MICAL2: variants seen among roughly 807,000 people sequenced by gnomAD.
MICAL2 encodes the protein microtubule associated monooxygenase, calponin and LIM domain containing 2.
In MICAL2, 77 loss-of-function variants were observed where a neutral mutation model predicts 127.3. That is an observed-to-expected ratio of 0.60 (90% CI 0.50 to 0.73). The LOEUF (loss-of-function observed/expected upper bound fraction) is 0.73. Among genes scored for constraint, MICAL2 ranks in the 30% least tolerant of loss-of-function variants. The probability of loss-of-function intolerance (pLI) is 0.00; values close to 1 mark genes in which losing one functional copy is unlikely to be tolerated. For synonymous variants in MICAL2, 570 were observed against 551.1 expected (o/e 1.03, Z -0.48); for missense variants, 1,351 against 1,434.4 (o/e 0.94, Z 0.94).
chr11:12,358,215 A>C (rs1939157675), intron 34 of MICAL2: 2 of 1,383,810 alleles, frequency 1.4e-6, no homozygotes, highest in South Asian at 2.6e-5. Flanking sequence ...CAAGTCCATA[A>C]CAATCGAGAA....
chr11:12,326,023 T>G (rs140411803), intron 31 of MICAL2, among the ~76,000 whole-genome samples: 1 of 152,320 alleles, frequency 6.6e-6, no homozygotes, highest in East Asian at 1.9e-4. Context: ...AGATTTTATG[T>G]TGGGACTTAA....
chr11:12,331,096 C>T (rs1170273602), intron 32 of MICAL2, among the ~76,000 whole-genome samples: 2 of 152,094 alleles, frequency 1.3e-5, no homozygotes, highest in African/African-American at 4.8e-5. Context: ...GCCACTTAGA[C>T]TCTTATTGGT....
chr11:12,262,099 C>T (rs934778003), intron 26 of MICAL2: 20 of 1,112,688 alleles, frequency 1.8e-5, no homozygotes, highest in East Asian at 6.8e-5. Flanking sequence ...GATGTTTGTA[C>T]GCTCTGAGAT....
At chr11:12,286,641 G>A (rs1863830249) in intron 2 of MICAL2, among the ~76,000 whole-genome samples, 1 of 152,140 alleles carries the variant, frequency 6.6e-6, no homozygotes, top group South Asian at 2.1e-4. Context: ...GGCCGAGGTG[G>A]GAGGATCACT....
chr11:12,257,754 A>G (rs536475281), intron 24 of MICAL2, among the ~76,000 whole-genome samples: 1 of 152,330 alleles, frequency 6.6e-6, no homozygotes, highest in Non-Finnish European at 1.5e-5. Flanking sequence ...TGCCTGGCAT[A>G]CAGTCATTCC....
At chr11:12,221,338 T>C (rs1856793400) in intron 9 of MICAL2, among the ~76,000 whole-genome samples, 1 of 152,250 alleles carries the variant, frequency 6.6e-6, no homozygotes, top group Non-Finnish European at 1.5e-5. Context: ...ATCAGCTTAA[T>C]GCAACTCTTA....
chr11:12,152,754 A>T (rs1373174450), intron 2 of MICAL2, among the ~76,000 whole-genome samples: 1 of 150,506 alleles, frequency 6.6e-6, no homozygotes, highest in Non-Finnish European at 1.5e-5. Flanking sequence ...TTTTAAAAAG[A>T]GGTAAAAAAT....
chr11:12,132,508 G>A (rs1313904256), intron 1 of MICAL2, among the ~76,000 whole-genome samples: 1 of 152,216 alleles, frequency 6.6e-6, no homozygotes, highest in African/African-American at 2.4e-5. Context: ...AGAAAAGTAA[G>A]GGAAATACCT....
intron 3 of MICAL2, among the ~76,000 whole-genome samples, chr11:12,180,926 T>C (rs1196729507): frequency 4.0e-5 from 1 of 25,272 alleles, no homozygotes; most frequent in Non-Finnish European, 8.7e-5. Context: ...TCCTTCTTTT[T>C]TTTTTTTTTT....
At chr11:12,148,095 G>A (rs2220246) in intron 2 of MICAL2, among the ~76,000 whole-genome samples, 69,563 of 151,936 alleles carry the variant, frequency 0.46, 16,919 homozygotes, top group South Asian at 0.68. Flanking sequence ...CTCAGGTGCT[G>A]AGTCACTCCA....
At chr11:12,222,766 G>C (rs781333964) in intron 11 of MICAL2, 23 bp downstream of exon 11, 1 of 1,613,866 alleles carries the variant, frequency 6.2e-7, no homozygotes, top group South Asian at 1.1e-5. Context: ...CTGGGGCTCT[G>C]TCTGAATCAC....
intron 3 of MICAL2, among the ~76,000 whole-genome samples, chr11:12,185,974 C>T (rs1297460145): frequency 6.6e-6 from 1 of 152,212 alleles, no homozygotes; most frequent in East Asian, 1.9e-4. Context: ...GCAAAGGAGT[C>T]ATGGAACTAG....
At chr11:12,315,765 G>A (rs11022298) in intron 29 of MICAL2, among the ~76,000 whole-genome samples, 19,526 of 152,104 alleles carry the variant, frequency 0.13, 1,496 homozygotes, top group South Asian at 0.22. Context: ...GTTTAATAGC[G>A]TGTACAAGTC....
intron 29 of MICAL2, among the ~76,000 whole-genome samples, chr11:12,310,363 C>T (rs137939241): frequency 5.9e-5 from 9 of 152,118 alleles, no homozygotes; most frequent in South Asian, 4.1e-4. Flanking sequence ...GTATGGTGAA[C>T]GATGGAATCT....
chr11:12,244,957 G>C (rs1412697869), intron 21 of MICAL2, among the ~76,000 whole-genome samples: 3 of 152,244 alleles, frequency 2.0e-5, no homozygotes, highest in African/African-American at 7.2e-5. Flanking sequence ...GATCAGCCTG[G>C]AGGATGAGAA....
chr11:12,267,036 C>T (rs967496623), downstream of MICAL2, among the ~76,000 whole-genome samples: 5 of 152,218 alleles, frequency 3.3e-5, no homozygotes, highest in Admixed American at 6.5e-5. Flanking sequence ...ACAGCGGTCT[C>T]GATTCACACT....
chr11:12,274,657 G>T (rs1177409226), upstream of MICAL2: 1 of 152,432 alleles, frequency 6.6e-6, no homozygotes, highest in East Asian at 1.9e-4. Context: ...AGAAGGACGT[G>T]TGCCCAGAGT....
intron 1 of MICAL2, among the ~76,000 whole-genome samples, chr11:12,135,127 G>A (rs1851737171): frequency 6.6e-6 from 1 of 152,192 alleles, no homozygotes; most frequent in African/African-American, 2.4e-5. Context: ...ACTCCCATGA[G>A]CCCACCTTGA....
chr11:12,178,552 G>A (rs1380028282), intron 3 of MICAL2, among the ~76,000 whole-genome samples: 1 of 152,060 alleles, frequency 6.6e-6, no homozygotes, highest in Non-Finnish European at 1.5e-5. Flanking sequence ...GTTAAGCTTT[G>A]CCTGAAGAGT....
Sources: allele counts gnomAD v4.1 joint callset (sites outside exome capture counted in the v4.1 genomes callset), GRCh38; gene constraint gnomAD v4.1.1; transcripts MANE v1.5; gene names NCBI Gene and HGNC (gene_info 2026-07-23, HGNC 2026-07-21).